Variants in RARB observed in about 807,000 individuals in gnomAD.
RARB encodes retinoic acid receptor beta.
RARB carries 17 observed loss-of-function variants against 51.9 expected under a neutral mutation model. The observed-to-expected ratio is 0.33, with a 90% CI of 0.22 to 0.49. RARB has a LOEUF of 0.49. Ranked by LOEUF, RARB falls within the 20% of genes least tolerant of loss-of-function variation. The pLI is 0.99. For missense variants in RARB, 369 were observed against 550.8 expected, an observed-to-expected ratio of 0.67 and a Z score of 3.30; for synonymous variants, 215 against 195.4, an observed-to-expected ratio of 1.10 and a Z score of -0.84.
At chr3:25,108,209 C>T (rs1179638083) in intron 3 of RARB, among the ~76,000 whole-genome samples, 1 of 152,088 alleles carries the variant, frequency 6.6e-6, no homozygotes, top group Non-Finnish European at 1.5e-5. Flanking sequence ...TGGAATTTTT[C>T]ATTTAACATT....
chr3:25,594,077 C>T lies in RARB; in HGVS notation c.991+370C>T, dbSNP rs1461969543. The stretch of plus-strand genomic sequence containing the variant: ...AGGCATACAAGTATTTGGCTGGGCC[C>T]TCCCACCAACCCTTGCAGGACTGGG... On this transcript the variant is annotated intron_variant, in intron 6 of 7. Transcript: ENST00000330688. Among the ~76,000 whole-genome samples, 5 of 152,264 alleles carry T rather than the reference C, an allele frequency of 3.3e-5. No homozygotes were observed. In the East Asian group the frequency reaches 9.6e-4, roughly 29 times the overall value.
At chr3:24,840,577 G>C (rs1399313322) in intron 1 of RARB, among the ~76,000 whole-genome samples, 1 of 152,040 alleles carries the variant, frequency 6.6e-6, no homozygotes, top group Non-Finnish European at 1.5e-5. Context: ...CTGAGCTTTA[G>C]ATTTCTTTTG....
intron 3 of RARB, among the ~76,000 whole-genome samples, chr3:25,116,494 T>TC (rs1347005525): frequency 6.6e-6 from 1 of 152,128 alleles, no homozygotes; most frequent in African/African-American, 2.4e-5. Context: ...TTGTCCATCC[T>TC]CGGTCTACTT....
chr3:24,865,573 T>C (rs1702831692), intron 2 of RARB, among the ~76,000 whole-genome samples: 1 of 152,146 alleles, frequency 6.6e-6, no homozygotes, highest in Non-Finnish European at 1.5e-5. Flanking sequence ...CTTTACTGAG[T>C]CTCACGTAGC....
Position 24,904,538 on chromosome 3 carries a change from A to T in RARB, c.-380+45786A>T, listed in dbSNP as rs866232032. 3.9e-5 allele frequency among the ~76,000 whole-genome samples: 6 copies of T among 152,336 alleles called. 1 individual carries two copies. In the South Asian group the frequency reaches 1.2e-3, roughly 32 times the overall value. ...TGGATGCTGGAGAGGATGTGGAGAA[A>T]TAGGAAAGCTTTTACACTGTTGGTG... is the stretch of plus-strand genomic sequence containing the variant. On this transcript the variant is annotated intron_variant, in intron 2 of 11. Transcript: ENST00000383772.
At chr3:25,377,703 A>G (rs1156702189) in intron 5 of RARB, among the ~76,000 whole-genome samples, 2 of 152,198 alleles carry the variant, frequency 1.3e-5, no homozygotes, top group African/African-American at 2.4e-5. Flanking sequence ...GTCATGTTCC[A>G]TTGTTCCCTA....
intron 4 of RARB, among the ~76,000 whole-genome samples, chr3:25,579,743 G>A (rs1701089316): frequency 6.6e-6 from 1 of 152,206 alleles, no homozygotes; most frequent in Admixed American, 6.5e-5. Flanking sequence ...CATTCTGGAT[G>A]TTGATAGCTG....
Position 25,461,230 on chromosome 3 carries a change from C to G in RARB, c.195C>G (p.Val65=), listed in dbSNP as rs759559446. 21 of 1,613,814 alleles carry G rather than the reference C, an allele frequency of 1.3e-5. No individual in the cohort carries two copies. Among genetic ancestry groups the G allele is most frequent in the Non-Finnish European group, 1.7e-5 (20 of 1,179,926 alleles). The change falls in exon 2 of 8, where the codon GTC becomes GTG. Residue 65 remains valine (V), a synonymous_variant. Transcript: ENST00000330688. ...AGAGCACCAGCTCTGAGGAACTCGT[C>G]CCAAGCCCCCCATCTCCACTTCCTC... ...ETQSTSSEEL[V]PSPPSPLPPP...
chr3:24,951,900 A>G lies in RARB; in HGVS notation c.-380+93148A>G, dbSNP rs184030659. Reference sequence around the variant, plus strand: ...TTCTTCTGGAGAATAGTTTCTGCAAATTTGGATTACAGGAAACGTAATACA... The same window carrying G: ...TTCTTCTGGAGAATAGTTTCTGCAAGTTTGGATTACAGGAAACGTAATACA... On this transcript the variant is annotated intron_variant, in intron 2 of 11. Transcript: ENST00000383772. Among the ~76,000 whole-genome samples, 25 of 152,300 alleles carry G rather than the reference A, an allele frequency of 1.6e-4. No individual in the cohort carries two copies. The East Asian group carries it at 3.5e-3, about 21-fold the overall frequency.
At chr3:25,238,150 G>C (rs322719) in intron 5 of RARB, among the ~76,000 whole-genome samples, 135,128 of 151,700 alleles carry the variant, frequency 0.89, 60,363 homozygotes, top group East Asian at 1. Flanking sequence ...ATCCTCCAGC[G>C]CCCCCCCACA....
intron 3 of RARB, among the ~76,000 whole-genome samples, chr3:25,544,674 C>T (rs7623826): frequency 9.9e-5 from 15 of 151,952 alleles, no homozygotes; most frequent in East Asian, 5.8e-4. Flanking sequence ...GTCATTCCCC[C>T]GCCCCCTCCT....
At chr3:24,962,869 C>T (rs919898444) in intron 2 of RARB, among the ~76,000 whole-genome samples, 1 of 152,172 alleles carries the variant, frequency 6.6e-6, no homozygotes, top group African/African-American at 2.4e-5. Context: ...AATTAATCCT[C>T]TTAGCTACTT....
chr3:25,382,452 G>C (rs1706657136), intron 5 of RARB, among the ~76,000 whole-genome samples: 1 of 152,208 alleles, frequency 6.6e-6, no homozygotes, highest in Non-Finnish European at 1.5e-5. Flanking sequence ...CTCATCCATG[G>C]GTGTGATATT....
chr3:25,157,763 C>T (rs1045087012), intron 4 of RARB, among the ~76,000 whole-genome samples: 1 of 152,178 alleles, frequency 6.6e-6, no homozygotes, highest in Non-Finnish European at 1.5e-5. Context: ...GTTATTTTCT[C>T]ATTTTTTAAA....
At chr3:25,096,020 C>G (rs914602666) in intron 3 of RARB, among the ~76,000 whole-genome samples, 4 of 152,190 alleles carry the variant, frequency 2.6e-5, no homozygotes, top group Non-Finnish European at 5.9e-5. Context: ...CTGCCTCTTT[C>G]CCATTACTGG....
At chr3:25,079,881 A>G (rs1244367211) in intron 3 of RARB, among the ~76,000 whole-genome samples, 1 of 152,176 alleles carries the variant, frequency 6.6e-6, no homozygotes, top group Non-Finnish European at 1.5e-5. Flanking sequence ...TCCTGGCTGT[A>G]TGTAATGAGT....
At chr3:25,397,359 C>T (rs1157865176) in intron 5 of RARB, among the ~76,000 whole-genome samples, 1 of 152,054 alleles carries the variant, frequency 6.6e-6, no homozygotes, top group Non-Finnish European at 1.5e-5. Flanking sequence ...CTTCCCCCAT[C>T]ACACTTTGGG....
intron 2 of RARB, among the ~76,000 whole-genome samples, chr3:25,023,235 G>A (rs894123083): frequency 1.3e-5 from 2 of 152,080 alleles, no homozygotes; most frequent in African/African-American, 4.8e-5. Flanking sequence ...CAACCCTTGG[G>A]TACAGGATTA....
chr3:25,157,038 T>A (rs540014570), intron 4 of RARB, among the ~76,000 whole-genome samples: 1 of 152,212 alleles, frequency 6.6e-6, no homozygotes, highest in African/African-American at 2.4e-5. Flanking sequence ...ATCTCCTAAA[T>A]TGATTTTTAA....
Sources: allele counts gnomAD v4.1 joint callset (sites outside exome capture counted in the v4.1 genomes callset), GRCh38; gene constraint gnomAD v4.1.1; transcripts MANE v1.5; gene names NCBI Gene and HGNC (gene_info 2026-07-23, HGNC 2026-07-21).